ATP13A2: variants seen among roughly 807,000 people sequenced by gnomAD.
ATP13A2 encodes the protein polyamine-transporting ATPase 13A2.
A neutral mutation model predicts 138.3 loss-of-function variants in ATP13A2; 83 were observed. The ratio of observed to expected loss-of-function variants is 0.60; its 90% CI spans 0.50 to 0.72. The LOEUF (loss-of-function observed/expected upper bound fraction) is 0.72. Among genes scored for constraint, ATP13A2 ranks in the 30% least tolerant of loss-of-function variants. The pLI, the probability that ATP13A2 is intolerant of heterozygous loss-of-function variation, is 0.00. For missense variants in ATP13A2, 1,402 were observed against 1,606.4 expected, an observed-to-expected ratio of 0.87 and a Z score of 2.17; for synonymous variants, 663 against 699.0, an observed-to-expected ratio of 0.95 and a Z score of 0.81.
At chr1:17,008,425 C>T (rs560135181) in intron 1 of ATP13A2, among the ~76,000 whole-genome samples, 2 of 152,334 alleles carry the variant, frequency 1.3e-5, no homozygotes, top group South Asian at 2.1e-4. Flanking sequence ...TTCCATTTCT[C>T]ATCTCTAGGA....
At chr1:17,005,950 C>T (rs955957034) in intron 1 of ATP13A2, among the ~76,000 whole-genome samples, 172 bp from the exon 2 acceptor site, 1 of 152,152 alleles carries the variant, frequency 6.6e-6, no homozygotes, top group Non-Finnish European at 1.5e-5. Context: ...ACCTGGCTAA[C>T]ATGGTGAAAC....
chr1:16,988,103 G>A (rs2076799035), intron 25 of ATP13A2, 35 bp downstream of exon 25: 2 of 1,590,388 alleles, frequency 1.3e-6, no homozygotes, highest in Non-Finnish European at 1.7e-6. Flanking sequence ...CTAGTCCTGG[G>A]ACGGCTCTGG....
chr1:16,995,861 A>T lies in ATP13A2; in HGVS notation c.1542+115T>A. On this transcript the variant is annotated intron_variant, in intron 15 of 28. Coordinates refer to ENST00000326735, the MANE Select transcript of ATP13A2 (RefSeq NM_022089.4). The surrounding 1 kb of genome is among the most constrained non-coding windows in gnomAD (Gnocchi z 4.1). Reference sequence around the variant, plus strand: ...GGATCCTCTGGGGGTTTCCATCCCTAGACAGGACCTGGCATCCTGTGGGTG... The same window carrying T: ...GGATCCTCTGGGGGTTTCCATCCCTTGACAGGACCTGGCATCCTGTGGGTG... 7.6e-7 allele frequency: 1 copy of T among 1,314,578 alleles called. No individual in the cohort carries two copies. Among genetic ancestry groups the T allele is most frequent in the Non-Finnish European group, 1.1e-6 (1 of 938,038 alleles). 81.4% of individuals were successfully genotyped at this position (1,314,578 alleles called of 1,614,324 possible). A position where few individuals can be genotyped will look rare whatever the true frequency, so the allele number is the denominator to read the frequency against.
Position 16,986,525 on chromosome 1 carries a change from C to A in ATP13A2, c.3343G>T (p.Gly1115Cys), listed in dbSNP as rs145674970. 3 of 1,612,594 alleles carry A rather than the reference C, an allele frequency of 1.9e-6. No individual in the cohort carries two copies. The highest frequency in any genetic ancestry group is 1.7e-5 in the Admixed American group (1 of 59,992). ...PLALRNITDTGFKLLLLGLVT... is the reference protein window; with the variant it reads ...PLALRNITDTCFKLLLLGLVT... Reference sequence around the variant, plus strand: ...AGACCCAGCAGCAGCAGCTTGAAGCCGGTGTCAGTGATGTTCCTCAGCGCC... The same window carrying A: ...AGACCCAGCAGCAGCAGCTTGAAGCAGGTGTCAGTGATGTTCCTCAGCGCC... Residue 1115 changes from glycine (G) to cysteine (C), a missense_variant, in exon 28 of 29, where the codon GGC becomes TGC. Transcript: ENST00000326735. The surrounding 1 kb of genome is among the most constrained non-coding windows in gnomAD (Gnocchi z 6.9).
rs2077388375 is a variant in ATP13A2, at chr1:17,002,279, T to C, written c.635+17A>G. On this transcript the variant is annotated intron_variant, in intron 7 of 28. Coordinates refer to ENST00000326735, the MANE Select transcript of ATP13A2 (RefSeq NM_022089.4). ...AGCCCCAGTTCTCAGGGCACCCCGGTCCAGGGCAGCACTGACCTCACCATT... is the reference window on the plus strand; with the variant it reads ...AGCCCCAGTTCTCAGGGCACCCCGGCCCAGGGCAGCACTGACCTCACCATT... The C allele has an allele frequency of 2.5e-6, 4 of 1,612,040 alleles. No individual in the cohort carries two copies. Among genetic ancestry groups the C allele is most frequent in the Non-Finnish European group, 3.4e-6 (4 of 1,179,396 alleles).
Position 16,990,279 on chromosome 1 carries a change from G to T in ATP13A2, c.2260C>A (p.Leu754Met). Reference protein sequence around the residue: ...IRAVMVTGDNLQTAVTVARGC... With the variant: ...IRAVMVTGDNMQTAVTVARGC... ...CGGGCCACAGTCACCGCTGTCTGCAGGTTGTCCCCTGGGGGTTATGGGGCA... is the reference window on the plus strand; with the variant it reads ...CGGGCCACAGTCACCGCTGTCTGCATGTTGTCCCCTGGGGGTTATGGGGCA... The change falls in exon 21 of 29, where the codon CTG (leucine) becomes ATG (methionine). Residue 754 changes from leucine to methionine, a missense_variant. Coordinates refer to ENST00000326735, the MANE Select transcript of ATP13A2 (RefSeq NM_022089.4). The T allele has an allele frequency of 6.2e-7, 1 of 1,614,044 alleles. No individual in the cohort carries two copies. Among genetic ancestry groups the T allele is most frequent in the Non-Finnish European group, 8.5e-7 (1 of 1,180,028 alleles).
rs573763474 is a variant in ATP13A2 at position 17,011,346 on chromosome 1, C to A, written c.10+383G>T. On this transcript the variant is annotated intron_variant, in intron 1 of 28. Transcript: ENST00000326735. This position sits in a 1 kb window ranked among gnomAD's most constrained non-coding sequence, Gnocchi z 7.3. ...GTTGCCCAGAGGCCCGAGGATGCAGCCGTCTCCCCCACCTGGACATCCGTC... is the reference window on the plus strand; with the variant it reads ...GTTGCCCAGAGGCCCGAGGATGCAGACGTCTCCCCCACCTGGACATCCGTC... Among the ~76,000 whole-genome samples, 5 of 152,274 alleles carry A rather than the reference C, an allele frequency of 3.3e-5. No individual in the cohort carries two copies. In the East Asian group the frequency reaches 9.7e-4, roughly 30 times the overall value.
At chr1:16,988,529 G>A (rs2076816092) in intron 23 of ATP13A2, 55 bp from the exon 24 acceptor site, 3 of 1,611,766 alleles carry the variant, frequency 1.9e-6, no homozygotes, top group Non-Finnish European at 1.7e-6. Context: ...CACCCCATGG[G>A]TGGGCTGGCA....
rs2076949912 is a variant in ATP13A2 at position 16,992,030 on chromosome 1, T to C, written c.2105A>G (p.Glu702Gly). The C allele has an allele frequency of 2.5e-6, 4 of 1,612,986 alleles. No individual in the cohort carries two copies. The highest frequency in any genetic ancestry group is 1.1e-5 in the South Asian group (1 of 91,072). The change falls in exon 19 of 29, where the codon GAG becomes GGG. Residue 702 changes from glutamate to glycine, a missense_variant. Coordinates refer to ENST00000326735, the MANE Select transcript of ATP13A2 (RefSeq NM_022089.4). ...SKPLPTVPSL[E>G]AAQQLTRDTV... Reference sequence around the variant, plus strand: ...CCACCTCGTCAGTTGCTGGGCTGCCTCCAGGCTGGGCACAGTGGGCAGTGG... The same window carrying C: ...CCACCTCGTCAGTTGCTGGGCTGCCCCCAGGCTGGGCACAGTGGGCAGTGG...
chr1:16,998,495 TGC>T (rs1293722241), intron 11 of ATP13A2, among the ~76,000 whole-genome samples: 11 of 152,136 alleles, frequency 7.2e-5, no homozygotes, highest in African/African-American at 2.7e-4. Context: ...TGCGAGCCAC[TGC>T]GCCTGGCCTA....
At position 16,996,026 on chromosome 1, in the gene ATP13A2, G is replaced by T. The variant is rs1412318438; in HGVS notation, c.1492C>A (p.Pro498Thr). ...LRRQGIFCIH[P>T]LRINLGGKLQ... ...TTGCCCCCCAGGTTGATGCGCAGTG[G>T]GTGGATGCAGAAAATGCCCTGTCTC... The change falls in exon 15 of 29, where the codon CCA becomes ACA. Residue 498 changes from proline to threonine, a missense_variant. Coordinates refer to ENST00000326735, the MANE Select transcript of ATP13A2 (RefSeq NM_022089.4). 1 of 1,613,966 alleles carries T rather than the reference G, an allele frequency of 6.2e-7. No homozygotes were observed. The highest frequency in any genetic ancestry group is 8.5e-7 in the Non-Finnish European group (1 of 1,180,048).
rs548909393 is a variant in ATP13A2, at chr1:16,991,613, G to A, written c.2251+121C>T. ...GAAGATTCACGAAATGTTTAAAAAG[G>A]ACCTGGCCTGAAGCAAGGGCCCAAA... On this transcript the variant is annotated intron_variant, in intron 20 of 28. Transcript: ENST00000326735. The A allele has an allele frequency of 2.2e-5, 31 of 1,421,314 alleles. No homozygotes were observed. The South Asian group carries it at 3.4e-4, about 15-fold the overall frequency. The allele number at this position is 1,421,314 out of a possible 1,614,324, so 88.0% of individuals were successfully genotyped here. A position where few individuals can be genotyped will look rare whatever the true frequency, so the allele number is the denominator to read the frequency against.
chr1:16,996,351 G>A (rs767001290), intron 13 of ATP13A2, 35 bp downstream of exon 13: 3 of 1,613,362 alleles, frequency 1.9e-6, no homozygotes, highest in African/African-American at 2.7e-5. Flanking sequence ...GGTGGGGGGG[G>A]CTATGGGCAG....
intron 1 of ATP13A2, among the ~76,000 whole-genome samples, chr1:17,007,510 C>T (rs1009647886): frequency 6.6e-6 from 1 of 151,394 alleles, no homozygotes; most frequent in Non-Finnish European, 1.5e-5. Context: ...TTCTGGGCTC[C>T]CTCCTTCATC....
intron 1 of ATP13A2, among the ~76,000 whole-genome samples, chr1:17,007,308 G>C (rs1280367580): frequency 6.6e-6 from 1 of 152,192 alleles, no homozygotes; most frequent in East Asian, 1.9e-4. Flanking sequence ...GCCTCTGTCA[G>C]GGTTCATCTA....
Position 16,986,184 on chromosome 1 carries a change from A to G in ATP13A2, c.*37T>C. The G allele has an allele frequency of 1.2e-6, 2 of 1,612,552 alleles. No individual in the cohort carries two copies. The highest frequency in any genetic ancestry group is 1.7e-6 in the Non-Finnish European group (2 of 1,179,578). On this transcript the variant is annotated 3_prime_UTR_variant, in exon 29 of 29. Coordinates refer to ENST00000326735, the MANE Select transcript of ATP13A2 (RefSeq NM_022089.4). The surrounding 1 kb of genome is among the most constrained non-coding windows in gnomAD (Gnocchi z 6.9). The stretch of plus-strand genomic sequence containing the variant: ...GGGGTCCAGTTGGTGGCTCAGAGGC[A>G]GGGAGTTCCAGTGTCTGGGGTGCCC...
rs372159448 is a variant in ATP13A2 at position 16,997,033 on chromosome 1, C to A, written c.1182G>T (p.Val394=). ...RAYVGPHVLA[V]VTRTGFCTAK... ...CCCGGCTCATACCTGTGCGGGTCAC[C>A]ACTGCCAGGACGTGCGGTCCCACAT... Residue 394 remains valine, a synonymous_variant, in exon 12 of 29, where the codon GTG becomes GTT. Transcript: ENST00000326735. The A allele has an allele frequency of 2.4e-5, 38 of 1,612,336 alleles. No individual in the cohort carries two copies. Among genetic ancestry groups the A allele is most frequent in the Non-Finnish European group, 8.5e-7 (1 of 1,179,962 alleles).
intron 20 of ATP13A2, among the ~76,000 whole-genome samples, chr1:16,990,859 G>A (rs575081573): frequency 6.6e-6 from 1 of 152,080 alleles, no homozygotes; most frequent in South Asian, 2.1e-4. Flanking sequence ...CTGCTGCCAA[G>A]TGCCCATGAA....
chr1:17,000,309 T>A lies in ATP13A2; in HGVS notation c.844A>T (p.Ser282Cys), dbSNP rs538497077. The stretch of plus-strand genomic sequence containing the variant: ...TTGACCATGTCCCTTAGAGTCTGGC[T>A]TTGCTGTGGGCAGGGGACAAGAGGG... ...CLSLYKTRKQ[S>C]QTLRDMVKLS... Residue 282 changes from serine to cysteine, a missense_variant, in exon 10 of 29, where the codon AGC becomes TGC. Transcript: ENST00000326735. 2.1e-4 allele frequency: 338 copies of A among 1,582,072 alleles called. 5 individuals are homozygous for A. The South Asian group carries it at 2.7e-3, about 13-fold the overall frequency.
Sources: allele counts gnomAD v4.1 joint callset (sites outside exome capture counted in the v4.1 genomes callset), GRCh38; gene constraint gnomAD v4.1.1; non-coding constraint Gnocchi (gnomAD v3.1); transcripts MANE v1.5; gene names NCBI Gene and HGNC (gene_info 2026-07-23, HGNC 2026-07-21).